Variants in PRSS55 observed in about 807,000 individuals in gnomAD.
PRSS55 encodes probable serine protease UNQ9391/PRO34284.
PRSS55 carries 41 observed loss-of-function variants against 23.6 expected under a neutral mutation model. The observed-to-expected ratio is 1.74, with a 90% CI of 1.35 to 2.26. The LOEUF is 2.26. PRSS55 is among the 30% of genes most tolerant of loss of function. The pLI is 0.00. For synonymous variants in PRSS55, 262 were observed against 175.5 expected, an observed-to-expected ratio of 1.49 and a Z score of -3.90; for missense variants, 669 against 439.1, an observed-to-expected ratio of 1.52 and a Z score of -4.68.
At chr8:10,546,104 G>A (rs1302610257) in intron 4 of PRSS55, among the ~76,000 whole-genome samples, 4 of 152,124 alleles carry the variant, frequency 2.6e-5, no homozygotes, top group Non-Finnish European at 4.4e-5. Context: ...ATGCCCAGGG[G>A]AACTAGGCTC....
chr8:10,536,890 G>A (rs1237274316), intron 4 of PRSS55, among the ~76,000 whole-genome samples: 1 of 152,182 alleles, frequency 6.6e-6, no homozygotes, highest in Admixed American at 6.5e-5. Flanking sequence ...AAGAGGGTAA[G>A]TAAGGTAGTT....
Position 10,538,791 on chromosome 8 carries a change from T to C in PRSS55, c.1057T>C (p.Ter353ArgextTer1), listed in dbSNP as rs948570705. 6.4e-7 allele frequency: 1 copy of C among 1,551,938 alleles called. No individual in the cohort carries two copies. ...SHVLFRAILY[*>R] ...TGTGTTGTTCAGAGCTATTTTGTAC[T>C]GATAATAAAATAGAGGCTATTCTTT... Residue 353 changes from the stop codon to arginine (R), a stop_lost, in exon 5 of 5, where the codon TGA becomes CGA. Coordinates refer to ENST00000328655, the MANE Select transcript of PRSS55 (RefSeq NM_198464.4).
At chr8:10,547,736 G>A (rs1214419754) in intron 4 of PRSS55, among the ~76,000 whole-genome samples, 1 of 30,280 alleles carries the variant, frequency 3.3e-5, no homozygotes, top group Non-Finnish European at 7.2e-5. Flanking sequence ...CCCACCCCCC[G>A]CCCCGCCCCG....
At chr8:10,534,413 T>A (rs2117036899) in intron 4 of PRSS55, among the ~76,000 whole-genome samples, 1 of 152,286 alleles carries the variant, frequency 6.6e-6, no homozygotes, top group Non-Finnish European at 1.5e-5. Flanking sequence ...TTTACTCTAG[T>A]CACCTCTCAA....
intron 3 of PRSS55, among the ~76,000 whole-genome samples, chr8:10,532,067 C>A (rs1015859305): frequency 2.6e-5 from 4 of 152,088 alleles, no homozygotes; most frequent in East Asian, 1.9e-4. Context: ...CCCAAAAAAA[C>A]CCAACAAAAC....
At chr8:10,527,306 G>C (rs1039700674) in intron 1 of PRSS55, among the ~76,000 whole-genome samples, 18 of 152,328 alleles carry the variant, frequency 1.2e-4, no homozygotes, top group Admixed American at 1.2e-3. Context: ...GATCGCTGCA[G>C]TGAACATCAT....
At chr8:10,528,672 G>A (rs1374507652) in intron 1 of PRSS55, among the ~76,000 whole-genome samples, 1 of 152,162 alleles carries the variant, frequency 6.6e-6, no homozygotes, top group East Asian at 1.9e-4. Flanking sequence ...CACCCCTTGT[G>A]GTTTCTTAGG....
At chr8:10,551,395 G>C (rs139142840) in intron 4 of PRSS55, among the ~76,000 whole-genome samples, 94 of 152,274 alleles carry the variant, frequency 6.2e-4, no homozygotes, top group African/African-American at 2.1e-3. Context: ...TTTGTGCTGG[G>C]AAACACAAAG....
downstream of PRSS55, among the ~76,000 whole-genome samples, chr8:10,541,908 G>C (rs963345001): frequency 1.8e-4 from 28 of 152,110 alleles, no homozygotes; most frequent in African/African-American, 6.5e-4. Flanking sequence ...CTAATAGCTG[G>C]GACTACAGGC....
intron 4 of PRSS55, among the ~76,000 whole-genome samples, chr8:10,547,246 C>T (rs552741078): frequency 1.3e-5 from 2 of 152,312 alleles, no homozygotes; most frequent in Non-Finnish European, 2.9e-5. Flanking sequence ...GTGGTCCAGG[C>T]GTGCGCCAGC....
At chr8:10,533,111 G>C in intron 4 of PRSS55, 63 bp downstream of exon 4, 1 of 1,542,282 alleles carries the variant, frequency 6.5e-7, no homozygotes, top group Non-Finnish European at 8.9e-7. Flanking sequence ...GCCAGTGCAA[G>C]GGTATTCTCT....
At chr8:10,531,790 A>G in intron 3 of PRSS55, 2 of 557,022 alleles carry the variant, frequency 3.6e-6, no homozygotes, top group Non-Finnish European at 6.4e-6. Flanking sequence ...TGTGTGTTTA[A>G]CTGAATTTAA....
chr8:10,534,255 A>G (rs1046051571), intron 4 of PRSS55, among the ~76,000 whole-genome samples: 1 of 152,232 alleles, frequency 6.6e-6, no homozygotes, highest in South Asian at 2.1e-4. Context: ...TGTAAAATAA[A>G]AACAAAAAGG....
chr8:10,535,963 G>A (rs568028400), intron 4 of PRSS55, among the ~76,000 whole-genome samples: 20 of 152,332 alleles, frequency 1.3e-4, no homozygotes, highest in African/African-American at 4.8e-4. Flanking sequence ...AAGACCGGCG[G>A]ATCACGAGGT....
At chr8:10,531,781 G>C (rs957353890) in intron 3 of PRSS55, 1 of 567,468 alleles carries the variant, frequency 1.8e-6, no homozygotes. Context: ...AGTGTGGTTT[G>C]TGTGTTTAAC....
At chr8:10,527,158 G>A (rs1319131111) in intron 1 of PRSS55, among the ~76,000 whole-genome samples, 3 of 152,190 alleles carry the variant, frequency 2.0e-5, no homozygotes, top group African/African-American at 7.2e-5. Flanking sequence ...TCAATTTTAT[G>A]TCACAAACAT....
intron 3 of PRSS55, 59 bp from the exon 4 acceptor site, chr8:10,532,847 C>A: frequency 6.2e-7 from 1 of 1,605,446 alleles, no homozygotes; most frequent in Non-Finnish European, 8.5e-7. Context: ...TCAGCTGCAT[C>A]ACGAACGTGG....
In PRSS55 at chr8:10,538,490, G is replaced by A. The variant is rs751559292; in HGVS notation, c.756G>A (p.Gly252=). ...TCTGCCCACAGGGTGACAGTGGGGG[G>A]CCTCTGGTCTGCACCCCAGAGCCTG... The part of the protein sequence containing the change: ...SYDACKGDSG[G]PLVCTPEPGE... Residue 252 remains glycine (G), a synonymous_variant, in exon 5 of 5, where the codon GGG becomes GGA. Coordinates refer to ENST00000328655, the MANE Select transcript of PRSS55 (RefSeq NM_198464.4). The A allele has an allele frequency of 5.0e-6, 8 of 1,612,868 alleles. No homozygotes were observed. Among genetic ancestry groups the A allele is most frequent in the South Asian group, 2.2e-5 (2 of 90,946 alleles).
At chr8:10,534,368 T>C (rs529503212) in intron 4 of PRSS55, among the ~76,000 whole-genome samples, 1 of 152,218 alleles carries the variant, frequency 6.6e-6, no homozygotes, top group East Asian at 1.9e-4. Context: ...AAACATTAAC[T>C]GTCCTCCCTG....
Sources: gnomAD v4.1 joint callset for allele counts (sites outside exome capture counted in the v4.1 genomes callset) on GRCh38, gnomAD v4.1.1 for gene constraint, MANE v1.5 for transcripts, NCBI Gene and HGNC (gene_info 2026-07-23, HGNC 2026-07-21) for gene names.